CDKAL1: variants seen among roughly 807,000 people sequenced by gnomAD.
CDKAL1 encodes the protein threonylcarbamoyladenosine tRNA methylthiotransferase.
A neutral mutation model predicts 68.2 loss-of-function variants in CDKAL1; 32 were observed. The observed-to-expected ratio is 0.47, with a 90% confidence interval of 0.35 to 0.63. The LOEUF (loss-of-function observed/expected upper bound fraction) is 0.63. Among genes scored for constraint, CDKAL1 ranks in the 30% least tolerant of loss-of-function variants. The pLI is 0.00. For synonymous variants in CDKAL1, 234 were observed against 244.3 expected (o/e 0.96, Z 0.39); for missense variants, 606 against 696.7 (o/e 0.87, Z 1.47).
intron 9 of CDKAL1, among the ~76,000 whole-genome samples, chr6:20,878,140 T>C (rs755110617): frequency 2.6e-5 from 4 of 152,312 alleles, no homozygotes; most frequent in Non-Finnish European, 4.4e-5. Flanking sequence ...ATTATACTTA[T>C]TTGTGTTATG....
intron 9 of CDKAL1, among the ~76,000 whole-genome samples, chr6:20,894,993 A>G (rs190672141): frequency 6.6e-6 from 1 of 152,268 alleles, no homozygotes; most frequent in East Asian, 1.9e-4. Context: ...GAAGTTCTCT[A>G]TCACCTCCTA....
At chr6:20,801,013 G>A (rs1048607768) in intron 8 of CDKAL1, among the ~76,000 whole-genome samples, 1 of 152,200 alleles carries the variant, frequency 6.6e-6, no homozygotes, top group African/African-American at 2.4e-5. Flanking sequence ...AACCTGCCAG[G>A]CTCAAGCAGT....
rs531615416 is a variant in CDKAL1, at chr6:20,996,180, G to A, written c.910-4047G>A. On this transcript the variant is annotated intron_variant, in intron 10 of 15. Coordinates refer to ENST00000274695, the MANE Select transcript of CDKAL1 (RefSeq NM_017774.3). ...TTGTGCTTAAGGGAATGTTGTGGCTGGTTTGATCATCTATCCAGACGACTG... is the reference window on the plus strand; with the variant it reads ...TTGTGCTTAAGGGAATGTTGTGGCTAGTTTGATCATCTATCCAGACGACTG... Among the ~76,000 whole-genome samples, 2 of 152,306 alleles carry A rather than the reference G, an allele frequency of 1.3e-5. 1 individual carries two copies. Among genetic ancestry groups the A allele is most frequent in the Admixed American group, 1.3e-4 (2 of 15,302 alleles).
chr6:20,586,978 GTTTTTTT>G (rs750210435), intron 4 of CDKAL1, among the ~76,000 whole-genome samples: 2 of 44,458 alleles, frequency 4.5e-5, no homozygotes, highest in South Asian at 1.2e-3. Context: ...TCCTCCAGGT[GTTTTTTT>G]TTTTTTTTTT....
chr6:21,207,022 C>T (rs113031273), intron 15 of CDKAL1, among the ~76,000 whole-genome samples: 3 of 151,654 alleles, frequency 2.0e-5, no homozygotes, highest in Non-Finnish European at 2.9e-5. Context: ...AAGTGATTCT[C>T]GTACCTCAGC....
In CDKAL1 at chr6:20,777,200, A is replaced by G. The variant is rs150988787; in HGVS notation, c.518-3945A>G. 4.8e-3 allele frequency among the ~76,000 whole-genome samples: 729 copies of G among 152,328 alleles called. 7 individuals carry two copies. Among genetic ancestry groups the G allele is most frequent in the Non-Finnish European group, 8.5e-3 (580 of 68,024 alleles). On this transcript the variant is annotated intron_variant, in intron 7 of 15. Transcript: ENST00000274695. Reference sequence around the variant, plus strand: ...GGAATGGGCTTTGTAAGAAATACTGAAAGTTTGTCAGGCAGAAAAGAAGAG... The same window carrying G: ...GGAATGGGCTTTGTAAGAAATACTGGAAGTTTGTCAGGCAGAAAAGAAGAG...
At chr6:21,064,999 AT>A in intron 11 of CDKAL1, 48 bp from the exon 12 acceptor site, 21 of 1,132,100 alleles carry the variant, frequency 1.9e-5, no homozygotes, top group Non-Finnish European at 2.6e-5. Flanking sequence ...AAATAGAATA[AT>A]TATGGCTTAT....
chr6:20,853,021 G>A (rs1294095594), intron 9 of CDKAL1, among the ~76,000 whole-genome samples: 1 of 152,176 alleles, frequency 6.6e-6, no homozygotes, highest in Non-Finnish European at 1.5e-5. Flanking sequence ...ATTTAGTTCT[G>A]CCCTTGTAGC....
chr6:21,152,570 A>G (rs939732257), intron 13 of CDKAL1, among the ~76,000 whole-genome samples: 2 of 152,248 alleles, frequency 1.3e-5, no homozygotes, highest in African/African-American at 4.8e-5. Flanking sequence ...AGTGCTAATG[A>G]CAGCCCCTGC....
Position 21,108,421 on chromosome 6 carries a change from T to A in CDKAL1, c.1257T>A (p.Asp419Glu). ...PAQVKKQRTK[D>E]LSRVFHSYSP... Reference sequence around the variant, plus strand: ...CACAGAAAAAGCAAAGGACAAAAGATCTTTCTCGGGTGTTTCATTCTTACA... The same window carrying A: ...CACAGAAAAAGCAAAGGACAAAAGAACTTTCTCGGGTGTTTCATTCTTACA... The change falls in exon 13 of 16, where the codon GAT (aspartate) becomes GAA (glutamate). Residue 419 changes from aspartate to glutamate, a missense_variant. Transcript: ENST00000274695. The A allele has an allele frequency of 6.2e-7, 1 of 1,606,882 alleles. No individual in the cohort carries two copies. The highest frequency in any genetic ancestry group is 8.5e-7 in the Non-Finnish European group (1 of 1,177,666).
chr6:21,099,924 A>G (rs1214347846), intron 12 of CDKAL1, among the ~76,000 whole-genome samples: 1 of 152,232 alleles, frequency 6.6e-6, no homozygotes, highest in Non-Finnish European at 1.5e-5. Flanking sequence ...TTTGTTACCA[A>G]ATAATGACCT....
intron 9 of CDKAL1, among the ~76,000 whole-genome samples, chr6:20,855,845 A>T (rs1309110469): frequency 6.6e-6 from 1 of 152,212 alleles, no homozygotes; most frequent in Non-Finnish European, 1.5e-5. Flanking sequence ...TAGCTGATTC[A>T]GAAAGCGATA....
At chr6:21,135,750 T>G in intron 13 of CDKAL1, 1 of 970,130 alleles carries the variant, frequency 1.0e-6, no homozygotes, top group Non-Finnish European at 1.2e-6. Flanking sequence ...TTTCATTCGC[T>G]CAGGAAGGCA....
intron 5 of CDKAL1, among the ~76,000 whole-genome samples, chr6:20,735,442 C>T (rs1773145276): frequency 1.3e-5 from 2 of 152,100 alleles, no homozygotes; most frequent in Non-Finnish European, 2.9e-5. Flanking sequence ...CCCTTATAAA[C>T]CATCAGATCT....
At chr6:20,767,244 A>AT (rs1447315579) in intron 7 of CDKAL1, among the ~76,000 whole-genome samples, 1 of 152,156 alleles carries the variant, frequency 6.6e-6, no homozygotes, top group Non-Finnish European at 1.5e-5. Context: ...GCTTCACTGC[A>AT]TTTTTCAAAT....
At chr6:20,555,387 C>T (rs1763994139) in intron 4 of CDKAL1, among the ~76,000 whole-genome samples, 1 of 152,142 alleles carries the variant, frequency 6.6e-6, no homozygotes, top group South Asian at 2.1e-4. Flanking sequence ...GTGGCACGAT[C>T]TGGGCTTACT....
intron 8 of CDKAL1, among the ~76,000 whole-genome samples, chr6:20,792,924 C>T (rs1468855618): frequency 6.6e-6 from 1 of 152,128 alleles, no homozygotes; most frequent in Non-Finnish European, 1.5e-5. Context: ...ATGTGTAGGA[C>T]TTAGAGTTGT....
intron 6 of CDKAL1, among the ~76,000 whole-genome samples, chr6:20,753,754 GT>G (rs34164249): frequency 0.29 from 44,138 of 151,996 alleles, 7,330 homozygotes; most frequent in South Asian, 0.37. Context: ...TTGTGTACAA[GT>G]TTTTTTATGG....
chr6:21,202,408 A>C (rs990018605), intron 15 of CDKAL1, among the ~76,000 whole-genome samples: 2 of 152,148 alleles, frequency 1.3e-5, no homozygotes, highest in African/African-American at 2.4e-5. Flanking sequence ...AAAAAAAAAA[A>C]ATTGTACTTG....
Sources: gnomAD v4.1 joint callset for allele counts (sites outside exome capture counted in the v4.1 genomes callset) on GRCh38, gnomAD v4.1.1 for gene constraint, MANE v1.5 for transcripts, NCBI Gene and HGNC (gene_info 2026-07-23, HGNC 2026-07-21) for gene names.